The following MPHOSPH8 variants were observed in gnomAD, a reference collection of about 807,000 sequenced individuals.
The protein encoded by MPHOSPH8 is M-phase phosphoprotein 8, also known as M-phase phosphoprotein, mpp.
Under a neutral mutation model 87.3 loss-of-function variants are expected in MPHOSPH8, and 45 were observed. The ratio of observed to expected loss-of-function variants is 0.52; its 90% CI spans 0.41 to 0.66. The LOEUF is 0.66. Ranked by LOEUF, MPHOSPH8 falls within the 30% of genes least tolerant of loss-of-function variation. The pLI is 0.00. For missense variants in MPHOSPH8, 883 were observed against 1,020.2 expected, an observed-to-expected ratio of 0.87 and a Z score of 1.83; for synonymous variants, 366 against 376.9, an observed-to-expected ratio of 0.97 and a Z score of 0.33.
In MPHOSPH8 at chr13:19,647,095, C is replaced by A; in HGVS notation, c.1022C>A (p.Thr341Asn). 1 of 1,612,490 alleles carries A rather than the reference C, an allele frequency of 6.2e-7. No homozygotes were observed. The highest frequency in any genetic ancestry group is 8.5e-7 in the Non-Finnish European group (1 of 1,179,612). Reference protein sequence around the residue: ...KKKTPRKAEDTRENRKLENKN... With the variant: ...KKKTPRKAEDNRENRKLENKN... ...AAGACCCCGAGAAAGGCTGAGGACA[C>A]TAGAGAGAACAGGAAGCTAGAGAAC... The change falls in exon 3 of 14, where the codon ACT becomes AAT. Residue 341 changes from threonine (T) to asparagine (N), a missense_variant. Around this residue, in one of 3 missense-constraint regions of MPHOSPH8, gnomAD observed 741 missense variants for 841.5 expected, o/e 0.88. Transcript: ENST00000361479.
chr13:19,669,811 A>G (rs548725552), intron 11 of MPHOSPH8, among the ~76,000 whole-genome samples: 2 of 152,234 alleles, frequency 1.3e-5, no homozygotes, highest in South Asian at 4.2e-4. Context: ...TGCCTGGCCA[A>G]TTTTTGGTTA....
chr13:19,667,565 C>T (rs1457693012), intron 10 of MPHOSPH8, among the ~76,000 whole-genome samples: 1 of 149,648 alleles, frequency 6.7e-6, no homozygotes, highest in Non-Finnish European at 1.5e-5. Flanking sequence ...TAATTTAATT[C>T]CTTCATATTT....
Position 19,661,782 on chromosome 13 carries a change from A to G in MPHOSPH8, c.1876A>G (p.Lys626Glu). Reference sequence around the variant, plus strand: ...GCGACTCCTCATCACAAAAGGCGCGAAAGTGAACGGTCGGCAGAAGAACGG... The same window carrying G: ...GCGACTCCTCATCACAAAAGGCGCGGAAGTGAACGGTCGGCAGAAGAACGG... ...LLRLLITKGAKVNGRQKNGTT... is the reference protein window; with the variant it reads ...LLRLLITKGAEVNGRQKNGTT... Residue 626 changes from lysine to glutamate, a missense_variant, in exon 8 of 14, where the codon AAA becomes GAA. By Grantham distance (56) the Lys-to-Glu change is moderately conservative. Around this residue, in one of 3 missense-constraint regions of MPHOSPH8, gnomAD observed 741 missense variants for 841.5 expected, o/e 0.88. Coordinates refer to ENST00000361479, the MANE Select transcript of MPHOSPH8 (RefSeq NM_017520.4). The G allele has an allele frequency of 6.2e-7, 1 of 1,613,644 alleles. No homozygotes were observed. The highest frequency in any genetic ancestry group is 1.1e-5 in the South Asian group (1 of 90,932).
chr13:19,646,727 A>C lies in MPHOSPH8; in HGVS notation c.654A>C (p.Lys218Asn). Residue 218 changes from lysine to asparagine, a missense_variant, in exon 3 of 14, where the codon AAA becomes AAC. By Grantham distance (94) the Lys-to-Asn change is moderately conservative. Coordinates refer to ENST00000361479, the MANE Select transcript of MPHOSPH8 (RefSeq NM_017520.4). ...EELKESKKPK[K>N]DEVKETKELK... ...TAAAGGAGTCCAAAAAGCCCAAAAA[A>C]GATGAAGTAAAAGAAACAAAAGAAT... 6.3e-7 allele frequency: 1 copy of C among 1,589,050 alleles called. No individual in the cohort carries two copies. Among genetic ancestry groups the C allele is most frequent in the Admixed American group, 1.9e-5 (1 of 53,226 alleles).
chr13:19,633,824 G>A lies in MPHOSPH8; in HGVS notation c.76G>A (p.Glu26Lys), dbSNP rs1292895559. 1.2e-6 allele frequency: 2 copies of A among 1,610,114 alleles called. No homozygotes were observed. Among genetic ancestry groups the A allele is most frequent in the Middle Eastern group, 3.3e-4 (2 of 5,988 alleles). ...SAADSTEELA[E>K]VEEGVGVVGE... ...TGCCGACAGCACTGAGGAGTTGGCC[G>A]AAGTCGAAGAAGGAGTTGGAGTAGT... Residue 26 changes from glutamate (E) to lysine (K), a missense_variant, in exon 1 of 14, where the codon GAA (glutamate) becomes AAA (lysine). Physicochemically the swap from Glu to Lys is moderately conservative, Grantham distance 56. Coordinates refer to ENST00000361479, the MANE Select transcript of MPHOSPH8 (RefSeq NM_017520.4).
chr13:19,652,022 A>T (rs1415390036), intron 5 of MPHOSPH8, among the ~76,000 whole-genome samples: 3 of 152,154 alleles, frequency 2.0e-5, no homozygotes, highest in African/African-American at 7.2e-5. Flanking sequence ...GAATCGCTTG[A>T]ACCCAGGAGG....
intron 9 of MPHOSPH8, 144 bp downstream of exon 9, chr13:19,663,270 AAGG>A: frequency 1.4e-6 from 1 of 724,202 alleles, no homozygotes; most frequent in Non-Finnish European, 2.4e-6. Context: ...TGCAGGGGAG[AAGG>A]AGAAGCGGGC....
At chr13:19,648,131 G>T (rs1481943539) in intron 3 of MPHOSPH8, among the ~76,000 whole-genome samples, 1 of 151,660 alleles carries the variant, frequency 6.6e-6, no homozygotes, top group Non-Finnish European at 1.5e-5. Flanking sequence ...TTAAGACTAT[G>T]GGTGGAAAAC....
At chr13:19,637,545 G>A (rs564646493) in intron 1 of MPHOSPH8, among the ~76,000 whole-genome samples, 1 of 152,130 alleles carries the variant, frequency 6.6e-6, no homozygotes, top group African/African-American at 2.4e-5. Context: ...ACCCATTACT[G>A]ATAAAATTAG....
intron 5 of MPHOSPH8, among the ~76,000 whole-genome samples, chr13:19,653,009 C>T (rs1326635500): frequency 6.6e-6 from 1 of 152,076 alleles, no homozygotes; most frequent in Non-Finnish European, 1.5e-5. Context: ...GCAGCTTCAG[C>T]AGACTTAAAC....
At chr13:19,669,219 G>A (rs1415721354) in intron 11 of MPHOSPH8, among the ~76,000 whole-genome samples, 1 of 152,186 alleles carries the variant, frequency 6.6e-6, no homozygotes, top group African/African-American at 2.4e-5. Flanking sequence ...GTCTCCCTGT[G>A]TCACCCAGGC....
chr13:19,654,522 C>A (rs867446637), intron 5 of MPHOSPH8, among the ~76,000 whole-genome samples: 4 of 152,154 alleles, frequency 2.6e-5, no homozygotes, highest in Non-Finnish European at 4.4e-5. Context: ...AATTTAACGC[C>A]AAGTCAGATG....
intron 1 of MPHOSPH8, among the ~76,000 whole-genome samples, chr13:19,636,844 G>T (rs1874036868): frequency 6.6e-6 from 1 of 152,046 alleles, no homozygotes; most frequent in Admixed American, 6.6e-5. Context: ...TAGAATAGGG[G>T]TCTGCCTTTT....
chr13:19,666,452 G>C lies in MPHOSPH8; in HGVS notation c.2047G>C (p.Val683Leu). ...KACKRGNSDI[V>L]RLVIECGADC... ...CTGTAAAAGAGGAAATTCAGACATC[G>C]TACGACTCGTAATTGAATGTGGAGC... Residue 683 changes from valine (V) to leucine (L), a missense_variant, in exon 10 of 14, where the codon GTA (valine) becomes CTA (leucine). This residue lies in a region of MPHOSPH8 where 741 missense variants were observed against 841.5 expected (regional missense o/e 0.88). Transcript: ENST00000361479. The C allele has an allele frequency of 6.2e-7, 1 of 1,610,070 alleles. No homozygotes were observed. Among genetic ancestry groups the C allele is most frequent in the South Asian group, 1.1e-5 (1 of 90,848 alleles).
chr13:19,669,846 G>A (rs1051670692), intron 11 of MPHOSPH8, among the ~76,000 whole-genome samples: 1 of 152,068 alleles, frequency 6.6e-6, no homozygotes, highest in African/African-American at 2.4e-5. Flanking sequence ...AAATTGGAAG[G>A]GGCAAAAGGG....
chr13:19,640,375 T>C (rs909663007), intron 1 of MPHOSPH8, among the ~76,000 whole-genome samples: 3 of 152,170 alleles, frequency 2.0e-5, no homozygotes, highest in African/African-American at 4.8e-5. Flanking sequence ...TTTAAAAATA[T>C]AGAACAATTC....
chr13:19,642,443 T>A (rs1874347801), intron 2 of MPHOSPH8, among the ~76,000 whole-genome samples, 173 bp downstream of exon 2: 1 of 152,242 alleles, frequency 6.6e-6, no homozygotes, highest in Non-Finnish European at 1.5e-5. Flanking sequence ...TGCTGGGTTC[T>A]TCTTTCTGTA....
chr13:19,636,692 C>T (rs2137493412), intron 1 of MPHOSPH8, among the ~76,000 whole-genome samples: 1 of 152,116 alleles, frequency 6.6e-6, no homozygotes, highest in Admixed American at 6.6e-5. Flanking sequence ...CCCATGCTGG[C>T]CTTGAACTCC....
chr13:19,650,624 C>T (rs565311042), intron 5 of MPHOSPH8, among the ~76,000 whole-genome samples: 2 of 152,200 alleles, frequency 1.3e-5, no homozygotes, highest in African/African-American at 2.4e-5. Flanking sequence ...AATGTTGTAG[C>T]AAGTAACACT....
Sources: gnomAD v4.1 joint callset for allele counts (sites outside exome capture counted in the v4.1 genomes callset) on GRCh38, gnomAD v4.1.1 for gene constraint, gnomAD v4.1.1 regional missense constraint, MANE v1.5 for transcripts, NCBI Gene and HGNC (gene_info 2026-07-23, HGNC 2026-07-21) for gene names.